Variants in ZMYM2 observed in about 807,000 individuals in gnomAD.
ZMYM2 encodes the protein zinc finger MYM-type protein 2.
In ZMYM2, 56 loss-of-function variants were observed where a neutral mutation model predicts 162.8. The observed-to-expected ratio is 0.34, with a 90% CI of 0.28 to 0.43. ZMYM2 has a LOEUF of 0.43. Among genes scored for constraint, ZMYM2 ranks in the 20% least tolerant of loss-of-function variants. The pLI, the probability that ZMYM2 is intolerant of heterozygous loss-of-function variation, is 1.00. For synonymous variants in ZMYM2, 510 were observed against 541.6 expected (o/e 0.94, Z 0.81); for missense variants, 1,275 against 1,621.8 (o/e 0.79, Z 3.67).
intron 7 of ZMYM2, chr13:20,019,891 T>C (rs1951927335): frequency 3.6e-6 from 1 of 278,022 alleles, no homozygotes; most frequent in Non-Finnish European, 6.8e-6. Context: ...CAATACCTTG[T>C]ACACAGTAGG....
At chr13:19,920,425 C>G in the ZMYM2 span, among the ~76,000 whole-genome samples, 1 of 151,568 alleles carries the variant, frequency 6.6e-6, no homozygotes. Context: ...GCTATTTCTT[C>G]AAGGGAAGGC....
chr13:20,085,921 C>A lies in ZMYM2; in HGVS notation c.4041C>A (p.Asp1347Glu), dbSNP rs1427213145. Residue 1347 changes from aspartate (D) to glutamate (E), a missense_variant, in exon 25 of 25, where the codon GAC becomes GAA. Around this residue, in one of 10 missense-constraint regions of ZMYM2, gnomAD observed 69 missense variants for 78.4 expected, o/e 0.88. Transcript: ENST00000610343. ...TCTGGTATACGTCTACTTCACTGGA[C>A]CGAAACACCTTGGAAAATATGCTTG... is the stretch of plus-strand genomic sequence containing the variant. Reference protein sequence around the residue: ...SPVWYTSTSLDRNTLENMLVR... With the variant: ...SPVWYTSTSLERNTLENMLVR... 6.2e-7 allele frequency: 1 copy of A among 1,613,796 alleles called. No homozygotes were observed.
At chr13:20,073,820 A>T (rs1454061058) in intron 21 of ZMYM2, among the ~76,000 whole-genome samples, 1 of 148,960 alleles carries the variant, frequency 6.7e-6, no homozygotes, top group Non-Finnish European at 1.5e-5. Context: ...TATGTCTTAA[A>T]TAGTTTTTTT....
intron 2 of ZMYM2, among the ~76,000 whole-genome samples, chr13:19,977,555 C>T (rs1956899486): frequency 1.3e-5 from 2 of 150,058 alleles, no homozygotes; most frequent in Admixed American, 6.6e-5. Context: ...TGCAGTGGCG[C>T]GATCTCGGCT....
At position 20,026,604 on chromosome 13, in the gene ZMYM2, A is replaced by C; in HGVS notation, c.1585-8A>C. 1 of 1,577,154 alleles carries C rather than the reference A, an allele frequency of 6.3e-7. No individual in the cohort carries two copies. The highest frequency in any genetic ancestry group is 1.4e-5 in the African/African-American group (1 of 72,552). ...TTAAAAATTATCTTTTTATGTTTCA[A>C]ATTTTAGAAATATGGAAAACTGACA... On this transcript the variant is annotated splice_region_variant and splice_polypyrimidine_tract_variant and intron_variant, in intron 7 of 24. Coordinates refer to ENST00000610343, the MANE Select transcript of ZMYM2 (RefSeq NM_197968.4).
intron 12 of ZMYM2, among the ~76,000 whole-genome samples, chr13:20,046,078 C>CA (rs34444937): frequency 0.16 from 15,020 of 96,544 alleles, 1,169 homozygotes; most frequent in African/African-American, 0.28. Context: ...CCCATCTCTG[C>CA]AAAAAAAAAA....
At chr13:20,002,626 A>G (rs1471092316) in intron 3 of ZMYM2, among the ~76,000 whole-genome samples, 1 of 152,172 alleles carries the variant, frequency 6.6e-6, no homozygotes, top group Admixed American at 6.5e-5. Context: ...TTTTGTGCTG[A>G]GAACACTTAA....
the ZMYM2 span, among the ~76,000 whole-genome samples, chr13:19,917,180 T>A: frequency 2.0e-5 from 3 of 152,072 alleles, no homozygotes; most frequent in African/African-American, 7.2e-5. Context: ...GCCAGGATGG[T>A]CTCAATCTCC....
chr13:20,060,426 C>A (rs1956142025), intron 16 of ZMYM2, among the ~76,000 whole-genome samples: 1 of 152,160 alleles, frequency 6.6e-6, no homozygotes, highest in African/African-American at 2.4e-5. Flanking sequence ...CGCCTGTAAT[C>A]CCAGCACTTT....
chr13:20,027,167 T>C (rs1952663963), intron 8 of ZMYM2, 36 bp from the exon 9 acceptor site: 3 of 1,465,770 alleles, frequency 2.0e-6, no homozygotes, highest in African/African-American at 1.4e-5. Context: ...TTTATTACTT[T>C]ATAAACAAAT....
intron 15 of ZMYM2, 167 bp downstream of exon 15, chr13:20,058,871 T>A (rs1384417385): frequency 1.1e-6 from 1 of 879,098 alleles, no homozygotes; most frequent in Non-Finnish European, 1.9e-6. Flanking sequence ...GAATACAGCA[T>A]CTCATTTTAA....
At chr13:20,005,516 C>T (rs899943580) in intron 5 of ZMYM2, among the ~76,000 whole-genome samples, 25 of 151,944 alleles carry the variant, frequency 1.6e-4, no homozygotes, top group African/African-American at 4.4e-4. Flanking sequence ...ACAGACAAAA[C>T]CATAGTGTTG....
At chr13:20,075,189 CTGTT>C (rs1444500021) in intron 21 of ZMYM2, among the ~76,000 whole-genome samples, 1 of 152,230 alleles carries the variant, frequency 6.6e-6, no homozygotes, top group East Asian at 1.9e-4. Flanking sequence ...ATTTTTCTGT[CTGTT>C]GGATTCATTA....
the ZMYM2 span, among the ~76,000 whole-genome samples, chr13:19,895,097 A>AG: frequency 6.7e-6 from 1 of 150,070 alleles, no homozygotes; most frequent in Non-Finnish European, 1.5e-5. Context: ...AAAAAAAAAA[A>AG]GAAAATTAAC....
intron 3 of ZMYM2, among the ~76,000 whole-genome samples, chr13:19,995,769 T>G (rs1197194584): frequency 3.3e-5 from 5 of 152,142 alleles, no homozygotes; most frequent in African/African-American, 1.2e-4. Context: ...CTTTAAAATA[T>G]GGAAGTGATA....
intron 3 of ZMYM2, among the ~76,000 whole-genome samples, chr13:19,995,503 C>G (rs1949952243): frequency 6.6e-6 from 1 of 151,990 alleles, no homozygotes; most frequent in Admixed American, 6.6e-5. Context: ...CTCTGCCTCC[C>G]TAGTAGCTGG....
In ZMYM2 at chr13:19,993,509, C is replaced by G. The variant is rs770897909; in HGVS notation, c.437C>G (p.Thr146Ser). ...SNFIERRPPE[T>S]KNRTNDVDFS... Reference sequence around the variant, plus strand: ...TTTATTGAACGAAGACCTCCTGAGACTAAAAACAGAACCAATGATGTGGAT... The same window carrying G: ...TTTATTGAACGAAGACCTCCTGAGAGTAAAAACAGAACCAATGATGTGGAT... Residue 146 changes from threonine (T) to serine (S), a missense_variant, in exon 3 of 25, where the codon ACT becomes AGT. Physicochemically the swap from Thr to Ser is moderately conservative, Grantham distance 58 (BLOSUM62 1). This residue lies in a region of ZMYM2 where 295 missense variants were observed against 286.7 expected (regional missense o/e 1.03). Transcript: ENST00000610343. The G allele has an allele frequency of 3.0e-5, 48 of 1,613,916 alleles. No individual in the cohort carries two copies. The Middle Eastern group carries it at 4.9e-4, about 17-fold the overall frequency.
At chr13:19,971,262 AT>A (rs67460005) in intron 2 of ZMYM2, among the ~76,000 whole-genome samples, 62 of 78,326 alleles carry the variant, frequency 7.9e-4, no homozygotes, top group African/African-American at 1.9e-3. Context: ...ATATATATAT[AT>A]TTTTTTTTTT....
intron 14 of ZMYM2, among the ~76,000 whole-genome samples, chr13:20,053,276 G>A (rs1392956415): frequency 6.6e-6 from 1 of 152,204 alleles, no homozygotes; most frequent in East Asian, 1.9e-4. Context: ...GAACAGATTA[G>A]TGGTTCCTAG....
Sources: gnomAD v4.1 joint callset for allele counts (sites outside exome capture counted in the v4.1 genomes callset) on GRCh38, gnomAD v4.1.1 for gene constraint, gnomAD v4.1.1 regional missense constraint, MANE v1.5 for transcripts, NCBI Gene and HGNC (gene_info 2026-07-23, HGNC 2026-07-21) for gene names.